MAP3K9: variants seen among roughly 807,000 people sequenced by gnomAD.
MAP3K9 encodes mitogen-activated protein kinase kinase kinase 9.
Under a neutral mutation model 95.8 loss-of-function variants are expected in MAP3K9, and 46 were observed. That is an observed-to-expected ratio of 0.48 (90% CI 0.38 to 0.61). The LOEUF (loss-of-function observed/expected upper bound fraction) is 0.61, where lower values mean the gene tolerates loss of function less well. MAP3K9 is among the 20% of genes least tolerant of loss of function. The pLI, the probability that MAP3K9 is intolerant of heterozygous loss-of-function variation, is 0.00. For synonymous variants in MAP3K9, 533 were observed against 593.8 expected (o/e 0.90, Z 1.49); for missense variants, 1,296 against 1,474.3 (o/e 0.88, Z 1.98).
At chr14:70,735,654 A>AC (rs1409161337) in intron 9 of MAP3K9, among the ~76,000 whole-genome samples, 1 of 152,168 alleles carries the variant, frequency 6.6e-6, no homozygotes, top group African/African-American at 2.4e-5. Flanking sequence ...CCAGATTAGT[A>AC]AAGTCAAAAC....
Position 70,783,560 on chromosome 14 carries a change from C to T in MAP3K9, c.820+17107G>A, listed in dbSNP as rs115106865. The T allele has an allele frequency of 4.9e-3, 1,007 of 205,572 alleles. 17 individuals carry two copies. The highest frequency in any genetic ancestry group is 0.022 in the African/African-American group (929 of 42,574). 12.7% of individuals were successfully genotyped at this position (205,572 alleles called of 1,614,324 possible). ...TTGTGAGGTGGGCGAAGGAAATAGCCGGGAGGCTTCACTCATTGATAGTCC... is the reference window on the plus strand; with the variant it reads ...TTGTGAGGTGGGCGAAGGAAATAGCTGGGAGGCTTCACTCATTGATAGTCC... On this transcript the variant is annotated intron_variant, in intron 2 of 11. Transcript: ENST00000554752.
At chr14:70,795,080 G>A (rs1292799520) in intron 2 of MAP3K9, among the ~76,000 whole-genome samples, 1 of 130,034 alleles carries the variant, frequency 7.7e-6, no homozygotes, top group Non-Finnish European at 1.6e-5. Flanking sequence ...CACAACCTCC[G>A]CCTCCCGGGT....
rs375948498 is a variant in MAP3K9 at position 70,749,055 on chromosome 14, A to T, written c.1151-51T>A. On this transcript the variant is annotated intron_variant, in intron 4 of 11. Coordinates refer to ENST00000554752, the MANE Select transcript of MAP3K9 (RefSeq NM_001284230.2). ...AAAGCATGAATGGACAGAAGCAAAC[A>T]TGTAAGACTTAGGCTATTACATGGC... 1.3e-4 allele frequency: 209 copies of T among 1,560,478 alleles called. No individual in the cohort carries two copies. In the Middle Eastern group the frequency reaches 1.4e-3, roughly 10 times the overall value.
intron 3 of MAP3K9, among the ~76,000 whole-genome samples, chr14:70,755,064 G>A (rs1437648909): frequency 6.6e-6 from 1 of 152,218 alleles, no homozygotes; most frequent in African/African-American, 2.4e-5. Flanking sequence ...AGACAAACCA[G>A]ATGGCCCTGG....
intron 2 of MAP3K9, among the ~76,000 whole-genome samples, chr14:70,783,823 C>G (rs755561694): frequency 6.6e-6 from 1 of 152,244 alleles, no homozygotes; most frequent in Non-Finnish European, 1.5e-5. Context: ...CTACACAGAG[C>G]TGAAAGACGT....
At chr14:70,778,434 C>T (rs534707787) in intron 2 of MAP3K9, among the ~76,000 whole-genome samples, 2 of 152,230 alleles carry the variant, frequency 1.3e-5, no homozygotes, top group Non-Finnish European at 2.9e-5. Flanking sequence ...TGCCACCACA[C>T]CTGGCTAATT....
intron 11 of MAP3K9, among the ~76,000 whole-genome samples, chr14:70,731,974 C>T (rs139341174): frequency 3.0e-4 from 45 of 151,378 alleles, no homozygotes; most frequent in African/African-American, 1.0e-3. Flanking sequence ...GTCATATGCA[C>T]GGGGATAGCA....
At position 70,722,759 on chromosome 14, in the gene MAP3K9, A is replaced by G. The variant is rs1352219740; in HGVS notation, c.*7621T>C. 6.6e-6 allele frequency: 1 copy of G among 152,194 alleles called. No individual in the cohort carries two copies. Among genetic ancestry groups the G allele is most frequent in the Non-Finnish European group, 1.5e-5 (1 of 68,052 alleles). 9.4% of individuals were successfully genotyped at this position (152,194 alleles called of 1,614,324 possible). ...TCTTTAAATATTGTTGACAACATAC[A>G]ATAACTTAAATCCCAAAGCAAAGTG... On this transcript the variant is annotated 3_prime_UTR_variant, in exon 12 of 12. Transcript: ENST00000554752.
rs557267485 is a variant in MAP3K9, at chr14:70,730,365, C to T, written c.*15G>A. The T allele has an allele frequency of 4.4e-6, 7 of 1,594,608 alleles. No individual in the cohort carries two copies. In the South Asian group the frequency reaches 7.8e-5, roughly 18 times the overall value. ...CCGCTGGCTGTCCCCCTTGCCCGCC[C>T]CAATCCTTTTCGTGCTAAGACCAGA... On this transcript the variant is annotated 3_prime_UTR_variant, in exon 12 of 12. Transcript: ENST00000554752.
rs1328946617 is a variant in MAP3K9 at position 70,730,750 on chromosome 14, G to A, written c.2945C>T (p.Thr982Ile). 7 of 1,613,750 alleles carry A rather than the reference G, an allele frequency of 4.3e-6. No individual in the cohort carries two copies. Among genetic ancestry groups the A allele is most frequent in the Non-Finnish European group, 1.7e-6 (2 of 1,180,030 alleles). Residue 982 changes from threonine to isoleucine, a missense_variant, in exon 12 of 12, where the codon ACC becomes ATC. Thr to Ile is a moderately conservative substitution (Grantham distance 89). Transcript: ENST00000554752. ...PRRWNTQQDS[T>I]LERPKTLEFL... ...CTCCAGAGTCTTGGGTCTCTCCAAG[G>A]TAGAGTCCTGCTGAGTGTTCCAGCG...
chr14:70,769,825 C>G (rs2054506912), intron 2 of MAP3K9, among the ~76,000 whole-genome samples: 1 of 152,176 alleles, frequency 6.6e-6, no homozygotes, highest in African/African-American at 2.4e-5. Flanking sequence ...TAGGGCCCAT[C>G]CTAATCCAGT....
Position 70,800,709 on chromosome 14 carries a change from C to A in MAP3K9, c.778G>T (p.Ala260Ser), listed in dbSNP as rs1248391787. 6.2e-7 allele frequency: 1 copy of A among 1,614,070 alleles called. No individual in the cohort carries two copies. Among genetic ancestry groups the A allele is most frequent in the Admixed American group, 1.7e-5 (1 of 60,004 alleles). Reference sequence around the variant, plus strand: ...TCGCGGTGGATGATGGGAACAATTGCCTCATCATGTAAGTAGTTCATCCCT... The same window carrying A: ...TCGCGGTGGATGATGGGAACAATTGACTCATCATGTAAGTAGTTCATCCCT... The part of the protein sequence containing the change: ...ARGMNYLHDE[A>S]IVPIIHRDLK... Residue 260 changes from alanine to serine, a missense_variant, in exon 2 of 12, where the codon GCA becomes TCA. By Grantham distance (99) the Ala-to-Ser change is moderately conservative. Around this residue, in one of 5 missense-constraint regions of MAP3K9, gnomAD observed 338 missense variants for 363.4 expected, o/e 0.93. Transcript: ENST00000554752.
chr14:70,783,799 G>A (rs2054712329), intron 2 of MAP3K9, among the ~76,000 whole-genome samples: 1 of 152,174 alleles, frequency 6.6e-6, no homozygotes, highest in African/African-American at 2.4e-5. Context: ...AGAAAGGCCC[G>A]CTCACCTCCC....
intron 10 of MAP3K9, chr14:70,733,612 A>T (rs2053944308): frequency 1.5e-6 from 1 of 655,830 alleles, no homozygotes; most frequent in South Asian, 1.8e-5. Flanking sequence ...TTCATAAGGG[A>T]TCTGTGATAG....
chr14:70,737,099 G>A (rs571453326), intron 8 of MAP3K9, among the ~76,000 whole-genome samples: 16 of 152,210 alleles, frequency 1.1e-4, no homozygotes, highest in East Asian at 5.8e-4. Flanking sequence ...GGCTATCCTC[G>A]CACTTATTTA....
intron 3 of MAP3K9, among the ~76,000 whole-genome samples, chr14:70,759,137 T>C (rs1009663847): frequency 3.3e-5 from 5 of 152,230 alleles, no homozygotes; most frequent in African/African-American, 1.2e-4. Context: ...AGCTTCTTTT[T>C]TGGATGATAA....
At chr14:70,753,399 G>A (rs1031879307) in intron 3 of MAP3K9, among the ~76,000 whole-genome samples, 16 of 152,130 alleles carry the variant, frequency 1.1e-4, no homozygotes, top group Non-Finnish European at 2.2e-4. Context: ...CCAACATCCC[G>A]CTTTATGTTT....
chr14:70,733,241 C>G lies in MAP3K9; in HGVS notation c.2128G>C (p.Asp710His). Residue 710 changes from aspartate (D) to histidine (H), a missense_variant, in exon 11 of 12, where the codon GAT becomes CAT. Physicochemically the swap from Asp to His is moderately conservative, Grantham distance 81. Coordinates refer to ENST00000554752, the MANE Select transcript of MAP3K9 (RefSeq NM_001284230.2). Reference sequence around the variant, plus strand: ...TGGATTCCATCACTGGAGGGGCCATCGCCATCCTCTCCACGAGGGAATGGG... The same window carrying G: ...TGGATTCCATCACTGGAGGGGCCATGGCCATCCTCTCCACGAGGGAATGGG... ...CIPFPRGEDG[D>H]GPSSDGIHEE... The G allele has an allele frequency of 6.2e-7, 1 of 1,612,582 alleles. No individual in the cohort carries two copies.
At chr14:70,788,477 A>G (rs1346574708) in intron 2 of MAP3K9, among the ~76,000 whole-genome samples, 1 of 152,218 alleles carries the variant, frequency 6.6e-6, no homozygotes, top group East Asian at 1.9e-4. Flanking sequence ...TTACATCTGC[A>G]AAAGCTAAGC....
Sources: gnomAD v4.1 joint callset for allele counts (sites outside exome capture counted in the v4.1 genomes callset) on GRCh38, gnomAD v4.1.1 for gene constraint, gnomAD v4.1.1 regional missense constraint, MANE v1.5 for transcripts, NCBI Gene and HGNC (gene_info 2026-07-23, HGNC 2026-07-21) for gene names.